The following PSMG2 variants were observed in gnomAD, a reference collection of about 807,000 sequenced individuals.
PSMG2 encodes the protein proteasome assembly chaperone 2.
In PSMG2, 21 loss-of-function variants were observed where a neutral mutation model predicts 31.5. The ratio of observed to expected loss-of-function variants is 0.67; its 90% CI spans 0.47 to 0.96. The LOEUF is 0.96. PSMG2 is among the 40% of genes least tolerant of loss of function. The probability of loss-of-function intolerance (pLI) is 0.00; values close to 1 mark genes in which losing one functional copy is unlikely to be tolerated. For synonymous variants in PSMG2, 120 were observed against 110.4 expected (o/e 1.09, Z -0.54); for missense variants, 318 against 321.2 (o/e 0.99, Z 0.08).
At chr18:12,711,475 A>G (rs923638720) in intron 2 of PSMG2, among the ~76,000 whole-genome samples, 1 of 152,080 alleles carries the variant, frequency 6.6e-6, no homozygotes, top group African/African-American at 2.4e-5. Context: ...TTTTCCCTAA[A>G]TTTATACCCT....
upstream of PSMG2, chr18:12,699,764 C>T (rs530067824): frequency 5.8e-4 from 516 of 894,154 alleles, 1 homozygote; most frequent in Non-Finnish European, 8.0e-4. Context: ...CTATCAAATA[C>T]GAAAGACTAC....
intron 1 of PSMG2, among the ~76,000 whole-genome samples, chr18:12,695,958 GC>G (rs2039942411): frequency 6.6e-6 from 1 of 151,486 alleles, no homozygotes; most frequent in Non-Finnish European, 1.5e-5. Context: ...CCAATTACAG[GC>G]TGAGTAGAAA....
rs1270971805 is a variant in PSMG2, at chr18:12,697,541, A to G, written c.-36-9009A>G. ...GAGAACAATTTGCTAATGTCTCAGA[A>G]AGCATGCAAAAAACTGGAAATACAA... On this transcript the variant is annotated intron_variant, in intron 1 of 6. Transcript: ENST00000585331. 6 of 633,270 alleles carry G rather than the reference A, an allele frequency of 9.5e-6. No homozygotes were observed. In the African/African-American group the frequency reaches 1.1e-4, roughly 12 times the overall value. 39.2% of individuals were successfully genotyped at this position (633,270 alleles called of 1,614,324 possible). A position where few individuals can be genotyped will look rare whatever the true frequency, so the allele number is the denominator to read the frequency against.
At chr18:12,678,190 C>A (rs1568013224) in intron 1 of PSMG2, 1 of 1,614,124 alleles carries the variant, frequency 6.2e-7, no homozygotes. Context: ...TGGATGCACA[C>A]AGAGGTGGAA....
intron 1 of PSMG2, chr18:12,686,402 G>C (rs1055451188): frequency 5.6e-6 from 9 of 1,613,880 alleles, no homozygotes; most frequent in Non-Finnish European, 7.6e-6. Flanking sequence ...CGTCCAGCTC[G>C]AAGTGGTTTA....
intron 1 of PSMG2, chr18:12,672,804 TA>T (rs1048885977): frequency 1.0e-6 from 1 of 983,312 alleles, no homozygotes; most frequent in African/African-American, 1.7e-5. Context: ...AGTTTTTTCC[TA>T]CTCTTGCTTC....
chr18:12,696,301 G>A (rs900078469), intron 1 of PSMG2, among the ~76,000 whole-genome samples: 3 of 152,052 alleles, frequency 2.0e-5, no homozygotes, highest in Non-Finnish European at 2.9e-5. Context: ...TCAAGAGATC[G>A]AGACCATCCC....
chr18:12,694,620 C>A (rs2039882253), intron 1 of PSMG2, among the ~76,000 whole-genome samples: 1 of 152,110 alleles, frequency 6.6e-6, no homozygotes, highest in African/African-American at 2.4e-5. Flanking sequence ...AGCAAGCTTT[C>A]AATAAACGCC....
chr18:12,718,277 AC>A (rs1474065906), intron 3 of PSMG2, among the ~76,000 whole-genome samples: 3 of 152,132 alleles, frequency 2.0e-5, no homozygotes, highest in South Asian at 2.1e-4. Flanking sequence ...TGCTGGGACT[AC>A]AGGCGTGAGC....
intron 1 of PSMG2, among the ~76,000 whole-genome samples, chr18:12,690,939 G>GCC (rs56296606): frequency 4.1e-3 from 610 of 148,740 alleles, no homozygotes; most frequent in African/African-American, 1.0e-2. Flanking sequence ...TATGCCCAGA[G>GCC]CCCCCCCCCG....
chr18:12,671,642 CTT>C (rs869130220), intron 1 of PSMG2, among the ~76,000 whole-genome samples: 375 of 55,494 alleles, frequency 6.8e-3, no homozygotes, highest in African/African-American at 0.024. Context: ...TTCACACTTT[CTT>C]TTTTTTTTTT....
At chr18:12,666,153 C>CAAA (rs35334528) in intron 1 of PSMG2, among the ~76,000 whole-genome samples, 2 of 116,890 alleles carry the variant, frequency 1.7e-5, no homozygotes, top group African/African-American at 3.4e-5. Flanking sequence ...CTCATCTCTA[C>CAAA]AAAAAAAAAA....
intron 1 of PSMG2, among the ~76,000 whole-genome samples, chr18:12,690,570 C>G (rs1027188334): frequency 6.6e-6 from 1 of 152,046 alleles, no homozygotes; most frequent in Non-Finnish European, 1.5e-5. Flanking sequence ...ATTCTCCTGC[C>G]TCAGCCTCCC....
At chr18:12,659,557 C>CT (rs2038652202) in intron 1 of PSMG2, among the ~76,000 whole-genome samples, 1 of 152,064 alleles carries the variant, frequency 6.6e-6, no homozygotes, top group South Asian at 2.1e-4. Context: ...GTAATCCCAG[C>CT]TACCCGGGAG....
chr18:12,665,822 C>G (rs1171734394), intron 1 of PSMG2, among the ~76,000 whole-genome samples: 5 of 152,210 alleles, frequency 3.3e-5, no homozygotes, highest in South Asian at 4.1e-4. Context: ...CTCAGCCTCC[C>G]GAGTAGCTGC....
chr18:12,706,882 G>GT (rs2040274291), intron 2 of PSMG2, among the ~76,000 whole-genome samples, 161 bp downstream of exon 2: 1 of 152,076 alleles, frequency 6.6e-6, no homozygotes, highest in South Asian at 2.1e-4. Context: ...TTATGTCCTG[G>GT]TTTTAGTTGT....
At chr18:12,676,045 C>CA (rs1226741966) in intron 1 of PSMG2, among the ~76,000 whole-genome samples, 3 of 151,992 alleles carry the variant, frequency 2.0e-5, no homozygotes, top group Non-Finnish European at 4.4e-5. Context: ...ATTACAAATA[C>CA]AAAAAATTCT....
At chr18:12,684,703 G>T (rs2039477225) in intron 1 of PSMG2, 1 of 150,950 alleles carries the variant, frequency 6.6e-6, no homozygotes, top group Non-Finnish European at 1.5e-5. Flanking sequence ...GGCTGTTCTA[G>T]AACTCCCGAC....
chr18:12,710,316 A>G (rs988222836), intron 2 of PSMG2, among the ~76,000 whole-genome samples: 1 of 152,178 alleles, frequency 6.6e-6, no homozygotes, highest in Non-Finnish European at 1.5e-5. Flanking sequence ...GCTTCAGTTT[A>G]AGCAGAATTC....
Sources: gnomAD v4.1 joint callset for allele counts (sites outside exome capture counted in the v4.1 genomes callset) on GRCh38, gnomAD v4.1.1 for gene constraint, MANE v1.5 for transcripts, NCBI Gene and HGNC (gene_info 2026-07-23, HGNC 2026-07-21) for gene names.